Variants in MIS18A observed in about 807,000 individuals in gnomAD.
MIS18A encodes the protein MIS18 kinetochore protein A.
In MIS18A, 14 loss-of-function variants were observed where a neutral mutation model predicts 25.0. The observed-to-expected ratio is 0.56, with a 90% CI of 0.37 to 0.88. The LOEUF is 0.88. MIS18A is among the 40% of genes least tolerant of loss of function. MIS18A has a pLI of 0.00. For missense variants in MIS18A, 292 were observed against 290.8 expected (o/e 1.00, Z -0.03); for synonymous variants, 134 against 118.6 (o/e 1.13, Z -0.84).
the MIS18A span, among the ~76,000 whole-genome samples, chr21:32,252,855 G>A: frequency 2.0e-5 from 3 of 152,230 alleles, no homozygotes; most frequent in African/African-American, 7.2e-5. Context: ...CCCAGAGAAT[G>A]ACTGTGAAAT....
At chr21:32,195,693 G>A in the MIS18A span, among the ~76,000 whole-genome samples, 1 of 152,146 alleles carries the variant, frequency 6.6e-6, no homozygotes, top group South Asian at 2.1e-4. Context: ...GCAGCTTAGA[G>A]GAATGGAGGT....
the MIS18A span, among the ~76,000 whole-genome samples, chr21:32,247,644 C>CT: frequency 6.6e-6 from 1 of 152,188 alleles, no homozygotes; most frequent in African/African-American, 2.4e-5. Flanking sequence ...AGGCCTTAAT[C>CT]TGACCACAGT....
At chr21:32,270,815 A>C (rs1202527091) in intron 2 of MIS18A, among the ~76,000 whole-genome samples, 1 of 152,222 alleles carries the variant, frequency 6.6e-6, no homozygotes, top group Non-Finnish European at 1.5e-5. Flanking sequence ...ATCTGGTACT[A>C]ATGTAACAAA....
the MIS18A span, among the ~76,000 whole-genome samples, chr21:32,254,841 G>C: frequency 6.6e-6 from 1 of 152,068 alleles, no homozygotes; most frequent in Non-Finnish European, 1.5e-5. Flanking sequence ...TCATTATATG[G>C]CACAAAGATT....
chr21:32,229,383 T>A, the MIS18A span, among the ~76,000 whole-genome samples: 1 of 152,232 alleles, frequency 6.6e-6, no homozygotes, highest in Non-Finnish European at 1.5e-5. Flanking sequence ...GCCCTCTTAC[T>A]GTAAAATCCT....
At chr21:32,266,313 C>T (rs1569011971), downstream of MIS18A, among the ~76,000 whole-genome samples, 1 of 152,142 alleles carries the variant, frequency 6.6e-6, no homozygotes, top group East Asian at 1.9e-4. Flanking sequence ...AGCGCCCTGA[C>T]AAAACAGGCC....
chr21:32,250,803 A>C, the MIS18A span, among the ~76,000 whole-genome samples: 1 of 152,160 alleles, frequency 6.6e-6, no homozygotes, highest in African/African-American at 2.4e-5. Flanking sequence ...GAGGGGAAGG[A>C]GGGCTTTTAA....
chr21:32,181,243 G>A, the MIS18A span, among the ~76,000 whole-genome samples: 6 of 152,064 alleles, frequency 3.9e-5, no homozygotes, highest in South Asian at 4.1e-4. Flanking sequence ...GAGTCAGACC[G>A]GAACCTACAC....
the MIS18A span, among the ~76,000 whole-genome samples, chr21:32,193,969 G>A: frequency 1.4e-4 from 22 of 152,212 alleles, no homozygotes; most frequent in South Asian, 4.6e-3. Context: ...ACCCACGAGA[G>A]GCCAGTGGTA....
the MIS18A span, among the ~76,000 whole-genome samples, chr21:32,221,873 C>T: frequency 1.1e-3 from 165 of 151,790 alleles, no homozygotes; most frequent in African/African-American, 3.8e-3. Flanking sequence ...GCCTGGACAA[C>T]AAGCAAGACT....
At chr21:32,200,560 A>C in the MIS18A span, among the ~76,000 whole-genome samples, 2 of 151,440 alleles carry the variant, frequency 1.3e-5, no homozygotes, top group African/African-American at 4.9e-5. Context: ...CAGCCTCCCG[A>C]GTAGCTGGGA....
downstream of MIS18A, among the ~76,000 whole-genome samples, chr21:32,267,162 G>A (rs1264370471): frequency 6.6e-6 from 1 of 152,252 alleles, no homozygotes; most frequent in Admixed American, 6.5e-5. Flanking sequence ...AGCCTTGGAA[G>A]TCCCTCTCAC....
the MIS18A span, among the ~76,000 whole-genome samples, chr21:32,240,057 C>T: frequency 3.9e-5 from 6 of 152,306 alleles, no homozygotes; most frequent in East Asian, 7.7e-4. Context: ...TTGGGAATTA[C>T]GTACAAATAC....
the MIS18A span, among the ~76,000 whole-genome samples, chr21:32,158,143 T>C: frequency 6.6e-6 from 1 of 152,218 alleles, no homozygotes; most frequent in African/African-American, 2.4e-5. Context: ...ATAACAGGCA[T>C]GCAGAATTAA....
the MIS18A span, among the ~76,000 whole-genome samples, chr21:32,209,018 T>G: frequency 6.6e-6 from 1 of 152,340 alleles, no homozygotes; most frequent in East Asian, 1.9e-4. Flanking sequence ...GAAAGCAAAG[T>G]TCTCGCAGTA....
the MIS18A span, among the ~76,000 whole-genome samples, chr21:32,169,237 G>A: frequency 1.3e-5 from 2 of 151,602 alleles, no homozygotes; most frequent in Non-Finnish European, 1.5e-5. Context: ...ACTGGAAGGG[G>A]CATAACAGAT....
chr21:32,251,570 C>T, the MIS18A span, among the ~76,000 whole-genome samples: 1 of 152,204 alleles, frequency 6.6e-6, no homozygotes, highest in African/African-American at 2.4e-5. Flanking sequence ...ACCTTTAACC[C>T]TGTCAGCCCC....
the MIS18A span, among the ~76,000 whole-genome samples, chr21:32,159,171 G>C: frequency 2.6e-5 from 4 of 152,118 alleles, no homozygotes; most frequent in Non-Finnish European, 5.9e-5. Context: ...AAATTACCCA[G>C]ATACTTAATA....
the MIS18A span, among the ~76,000 whole-genome samples, chr21:32,238,026 T>C: frequency 6.6e-6 from 1 of 152,148 alleles, no homozygotes; most frequent in South Asian, 2.1e-4. Context: ...GAAGCTGCCA[T>C]AGCCCCAAGT....
Sources: allele counts gnomAD v4.1 joint callset (sites outside exome capture counted in the v4.1 genomes callset), GRCh38; gene constraint gnomAD v4.1.1; transcripts MANE v1.5; gene names NCBI Gene and HGNC (gene_info 2026-07-23, HGNC 2026-07-21).